DEPTOR: variants seen among roughly 807,000 people sequenced by gnomAD.
DEPTOR encodes the protein DEP domain-containing mTOR-interacting protein.
DEPTOR carries 41 observed loss-of-function variants against 41.6 expected under a neutral mutation model. The observed-to-expected ratio is 0.98, with a 90% CI of 0.77 to 1.28. DEPTOR has a LOEUF of 1.28. Among genes scored for constraint, DEPTOR ranks in the 50% most tolerant of loss-of-function variants. The probability of loss-of-function intolerance (pLI) is 0.00; values close to 1 mark genes in which losing one functional copy is unlikely to be tolerated. For missense variants in DEPTOR, 514 were observed against 527.9 expected (o/e 0.97, Z 0.26); for synonymous variants, 195 against 192.3 (o/e 1.01, Z -0.12).
intron 3 of DEPTOR, among the ~76,000 whole-genome samples, 169 bp from the exon 4 acceptor site, chr8:119,965,063 A>C (rs1828539607): frequency 6.6e-6 from 1 of 152,178 alleles, no homozygotes; most frequent in South Asian, 2.1e-4. Context: ...ACAAGAGCGA[A>C]AATCTGTCTC....
intron 1 of DEPTOR, among the ~76,000 whole-genome samples, chr8:119,911,504 G>C (rs1827736173): frequency 6.6e-6 from 1 of 151,856 alleles, no homozygotes; most frequent in South Asian, 2.1e-4. Flanking sequence ...TTTTAGTAGA[G>C]ACAGAGCTTC....
chr8:119,894,918 A>G (rs1212244683), intron 1 of DEPTOR, among the ~76,000 whole-genome samples: 1 of 152,198 alleles, frequency 6.6e-6, no homozygotes, highest in African/African-American at 2.4e-5. Context: ...AAATTTGCAT[A>G]CATTAGAAGG....
chr8:119,895,337 G>A (rs974232745), intron 1 of DEPTOR, among the ~76,000 whole-genome samples: 3 of 152,192 alleles, frequency 2.0e-5, no homozygotes, highest in Non-Finnish European at 2.9e-5. Flanking sequence ...AGTAGATAAA[G>A]GTGAATACCA....
Position 119,928,527 on chromosome 8 carries a change from A to T in DEPTOR, c.250A>T (p.Thr84Ser). 6.2e-7 allele frequency: 1 copy of T among 1,614,196 alleles called. No homozygotes were observed. The highest frequency in any genetic ancestry group is 8.5e-7 in the Non-Finnish European group (1 of 1,180,020). ...ACACAAAGAGGCTTCTGACAGAGAG[A>T]CGGCAATTAAACTCATGCAGAAATT... ...IEHKEASDRE[T>S]AIKLMQKLAD... Residue 84 changes from threonine to serine, a missense_variant, in exon 2 of 9, where the codon ACG (threonine) becomes TCG (serine). Thr to Ser is a moderately conservative substitution (Grantham distance 58, BLOSUM62 1). Coordinates refer to ENST00000286234, the MANE Select transcript of DEPTOR (RefSeq NM_022783.4).
chr8:119,925,132 G>A (rs927661237), intron 1 of DEPTOR, among the ~76,000 whole-genome samples: 2 of 152,216 alleles, frequency 1.3e-5, no homozygotes, highest in African/African-American at 4.8e-5. Flanking sequence ...GCTCACGCCT[G>A]TAATCACAGC....
chr8:120,018,352 C>T lies in DEPTOR; in HGVS notation c.1101+9219C>T, dbSNP rs867221589. ...CAGCACTTTGGGAGGCCGAGGCAGGCGGATCACCTGAGATCAGGAGTTCGA... is the reference window on the plus strand; with the variant it reads ...CAGCACTTTGGGAGGCCGAGGCAGGTGGATCACCTGAGATCAGGAGTTCGA... On this transcript the variant is annotated intron_variant, in intron 8 of 8. Coordinates refer to ENST00000286234, the MANE Select transcript of DEPTOR (RefSeq NM_022783.4). 1.1e-4 allele frequency among the ~76,000 whole-genome samples: 17 copies of T among 152,164 alleles called. No individual in the cohort carries two copies. The Middle Eastern group carries it at 0.01, about 91-fold the overall frequency.
At chr8:120,034,501 GCAGTGGCGCAATCT>G (rs1812946724) in intron 8 of DEPTOR, among the ~76,000 whole-genome samples, 2 of 129,134 alleles carry the variant, frequency 1.5e-5, no homozygotes, top group Admixed American at 2.0e-4. Context: ...AGGCTGGAGT[GCAGTGGCGCAATCT>G]CAGCTCACTG....
At chr8:120,036,672 G>A (rs757135852) in intron 8 of DEPTOR, among the ~76,000 whole-genome samples, 2 of 152,274 alleles carry the variant, frequency 1.3e-5, no homozygotes, top group African/African-American at 4.8e-5. Context: ...CTGAATGTGA[G>A]TGTTTTCATG....
chr8:120,044,632 C>T (rs1813128910), intron 8 of DEPTOR, among the ~76,000 whole-genome samples: 1 of 152,178 alleles, frequency 6.6e-6, no homozygotes, highest in Non-Finnish European at 1.5e-5. Context: ...CTGCCCACAG[C>T]AGAGGAAAGG....
chr8:119,985,000 C>T (rs1218370297), intron 4 of DEPTOR, among the ~76,000 whole-genome samples: 1 of 152,122 alleles, frequency 6.6e-6, no homozygotes, highest in Non-Finnish European at 1.5e-5. Flanking sequence ...GCCTGGCCTA[C>T]ATAGTGACTA....
chr8:119,944,384 C>T (rs902023521), intron 3 of DEPTOR, among the ~76,000 whole-genome samples: 16 of 152,196 alleles, frequency 1.1e-4, no homozygotes, highest in African/African-American at 1.7e-4. Context: ...TTAGTGGCCA[C>T]TGTTGTAAGA....
intron 4 of DEPTOR, among the ~76,000 whole-genome samples, chr8:119,968,803 C>T (rs1004595633): frequency 2.6e-5 from 4 of 151,828 alleles, no homozygotes; most frequent in Non-Finnish European, 5.9e-5. Context: ...GGGGTTTTCC[C>T]CAGTGAAAAA....
chr8:119,884,215 A>C lies in DEPTOR; in HGVS notation c.122+10247A>C, dbSNP rs572227657. On this transcript the variant is annotated intron_variant, in intron 1 of 8. Coordinates refer to ENST00000286234, the MANE Select transcript of DEPTOR (RefSeq NM_022783.4). ...TGGGACTACAGGCAGGCACCACCAC[A>C]CCTCACTAATTTCTGTATTTTCAGT... Among the ~76,000 whole-genome samples, 7 of 151,922 alleles carry C rather than the reference A, an allele frequency of 4.6e-5. No individual in the cohort carries two copies. The South Asian group carries it at 1.5e-3, about 32-fold the overall frequency.
At chr8:119,971,581 G>A (rs189992577) in intron 4 of DEPTOR, among the ~76,000 whole-genome samples, 90 of 152,312 alleles carry the variant, frequency 5.9e-4, no homozygotes, top group African/African-American at 2.0e-3. Flanking sequence ...CTCAGGGAAG[G>A]AACCAGAGGT....
At chr8:119,878,329 T>A (rs1425690367) in intron 1 of DEPTOR, among the ~76,000 whole-genome samples, 2 of 151,294 alleles carry the variant, frequency 1.3e-5, no homozygotes, top group African/African-American at 4.9e-5. Context: ...ACACTTTTTT[T>A]TTTTTTTTAA....
At chr8:119,989,462 T>C (rs1412289538) in intron 4 of DEPTOR, among the ~76,000 whole-genome samples, 2 of 152,142 alleles carry the variant, frequency 1.3e-5, no homozygotes, top group East Asian at 3.9e-4. Flanking sequence ...CAGTCTAGTG[T>C]GGAGGTTCAG....
At chr8:119,987,295 T>A (rs1828840976) in intron 4 of DEPTOR, among the ~76,000 whole-genome samples, 1 of 152,174 alleles carries the variant, frequency 6.6e-6, no homozygotes, top group Non-Finnish European at 1.5e-5. Context: ...CCCTTTGCTG[T>A]AGCTCTGCTG....
chr8:119,885,626 C>A (rs1827354776), intron 1 of DEPTOR, among the ~76,000 whole-genome samples: 1 of 152,120 alleles, frequency 6.6e-6, no homozygotes, highest in South Asian at 2.1e-4. Flanking sequence ...CTTGAAGAGC[C>A]AGAAGCCATC....
At chr8:119,901,675 CAAAA>C (rs36026315) in intron 1 of DEPTOR, among the ~76,000 whole-genome samples, 5 of 88,284 alleles carry the variant, frequency 5.7e-5, no homozygotes, top group African/African-American at 3.7e-5. Flanking sequence ...GACTCTGTCT[CAAAA>C]AAAAAAAAAA....
Sources: allele counts gnomAD v4.1 joint callset (sites outside exome capture counted in the v4.1 genomes callset), GRCh38; gene constraint gnomAD v4.1.1; transcripts MANE v1.5; gene names NCBI Gene and HGNC (gene_info 2026-07-23, HGNC 2026-07-21).